UBE2U: variants seen among roughly 807,000 people sequenced by gnomAD.
UBE2U encodes ubiquitin conjugating enzyme E2 U.
Under a neutral mutation model 41.2 loss-of-function variants are expected in UBE2U, and 39 were observed. That is an observed-to-expected ratio of 0.95 (90% CI 0.73 to 1.24). The LOEUF (loss-of-function observed/expected upper bound fraction) is 1.24. Ranked by LOEUF, UBE2U falls within the 50% of genes most tolerant of loss-of-function variation. UBE2U has a pLI of 0.00. For synonymous variants in UBE2U, 107 were observed against 117.8 expected (o/e 0.91, Z 0.60); for missense variants, 336 against 363.1 (o/e 0.93, Z 0.61).
intron 7 of UBE2U, among the ~76,000 whole-genome samples, chr1:64,240,174 A>G (rs1644811582): frequency 6.6e-6 from 1 of 152,216 alleles, no homozygotes; most frequent in Non-Finnish European, 1.5e-5. Flanking sequence ...CTGAATTGAT[A>G]GTCCACAGAG....
chr1:64,218,763 A>G (rs1652205832), intron 5 of UBE2U, among the ~76,000 whole-genome samples: 1 of 152,260 alleles, frequency 6.6e-6, no homozygotes, highest in African/African-American at 2.4e-5. Context: ...CTTGCCACAG[A>G]TAAACCATAA....
At chr1:64,232,831 T>C (rs1557723647) in intron 7 of UBE2U, among the ~76,000 whole-genome samples, 182 bp downstream of exon 7, 1 of 152,076 alleles carries the variant, frequency 6.6e-6, no homozygotes, top group Non-Finnish European at 1.5e-5. Flanking sequence ...AAAAAAATAA[T>C]TTTAACTTTT....
chr1:64,209,954 A>C (rs1475683718), intron 3 of UBE2U, among the ~76,000 whole-genome samples: 2 of 152,200 alleles, frequency 1.3e-5, no homozygotes, highest in African/African-American at 4.8e-5. Flanking sequence ...CGTATGATAC[A>C]ATTGACAGTG....
chr1:64,222,070 C>T (rs530602882), intron 6 of UBE2U, among the ~76,000 whole-genome samples: 3 of 120,606 alleles, frequency 2.5e-5, no homozygotes, highest in East Asian at 2.3e-4. Flanking sequence ...CCAGCCTGGG[C>T]GACAGAGAGA....
chr1:64,264,491 T>C (rs1645223598), intron 9 of UBE2U, among the ~76,000 whole-genome samples: 1 of 152,232 alleles, frequency 6.6e-6, no homozygotes, highest in African/African-American at 2.4e-5. Flanking sequence ...TTATTTTGCA[T>C]TATAGTCTGC....
At chr1:64,239,564 T>C (rs1175471861) in intron 7 of UBE2U, among the ~76,000 whole-genome samples, 2 of 132,172 alleles carry the variant, frequency 1.5e-5, no homozygotes, top group Non-Finnish European at 3.1e-5. Flanking sequence ...TTCCCCTTCC[T>C]GTGTCCAAGT....
At chr1:64,229,963 A>G (rs1644521871) in intron 6 of UBE2U, among the ~76,000 whole-genome samples, 1 of 152,222 alleles carries the variant, frequency 6.6e-6, no homozygotes, top group South Asian at 2.1e-4. Context: ...CCTGAAATCT[A>G]TATCTAAAAT....
intron 5 of UBE2U, among the ~76,000 whole-genome samples, chr1:64,219,643 A>G (rs1477195709): frequency 5.4e-5 from 8 of 147,506 alleles, no homozygotes; most frequent in Non-Finnish European, 8.9e-5. Context: ...GCCAGGCTGG[A>G]GTGCAGTGGT....
intron 8 of UBE2U, chr1:64,244,155 C>T (rs749909344): frequency 6.2e-7 from 1 of 1,608,528 alleles, no homozygotes. Flanking sequence ...TTGGAAGCAG[C>T]ATAGGGGAAG....
chr1:64,214,047 C>T (rs1195448733), intron 4 of UBE2U, among the ~76,000 whole-genome samples: 7 of 152,132 alleles, frequency 4.6e-5, no homozygotes, highest in Non-Finnish European at 7.4e-5. Context: ...TTATGTGGCA[C>T]GTGAGTATGT....
intron 4 of UBE2U, among the ~76,000 whole-genome samples, chr1:64,213,464 G>A (rs1651781926): frequency 6.6e-5 from 10 of 152,054 alleles, no homozygotes; most frequent in Admixed American, 6.6e-4. Flanking sequence ...CTTTGGTTTT[G>A]GGGGAGCTTC....
intron 6 of UBE2U, among the ~76,000 whole-genome samples, chr1:64,231,432 G>A (rs1644563750): frequency 6.6e-6 from 1 of 152,218 alleles, no homozygotes; most frequent in Admixed American, 6.5e-5. Flanking sequence ...ACATTTCATT[G>A]GCAAATTCAT....
At chr1:64,249,187 G>A (rs1162110681) in intron 8 of UBE2U, among the ~76,000 whole-genome samples, 1 of 151,856 alleles carries the variant, frequency 6.6e-6, no homozygotes, top group Non-Finnish European at 1.5e-5. Flanking sequence ...AACCAGCCTG[G>A]CCAACATGGC....
chr1:64,246,446 TAA>T (rs1439024382), intron 8 of UBE2U, among the ~76,000 whole-genome samples: 2 of 152,246 alleles, frequency 1.3e-5, no homozygotes, highest in East Asian at 3.8e-4. Flanking sequence ...ATGTTTTTTA[TAA>T]GTTTACTTAA....
intron 8 of UBE2U, among the ~76,000 whole-genome samples, chr1:64,250,855 T>C (rs929548912): frequency 4.3e-5 from 6 of 140,104 alleles, no homozygotes; most frequent in Non-Finnish European, 6.0e-5. Context: ...TAGGTGGGAA[T>C]TGAACAATGA....
intron 9 of UBE2U, among the ~76,000 whole-genome samples, chr1:64,261,177 A>G (rs1463825312): frequency 6.6e-6 from 1 of 152,182 alleles, no homozygotes. Flanking sequence ...GTAACTTACC[A>G]TGGAAGTCAG....
chr1:64,232,655 G>C lies in UBE2U; in HGVS notation c.595+6G>C. ...AGAATACTACAGAACTCCATGTAAGGTGAACTATCCTTATCCTATGTCCTT... is the reference window on the plus strand; with the variant it reads ...AGAATACTACAGAACTCCATGTAAGCTGAACTATCCTTATCCTATGTCCTT... On this transcript the variant is annotated splice_donor_region_variant and intron_variant, in intron 7 of 9. Transcript: ENST00000371077. The C allele has an allele frequency of 6.2e-7, 1 of 1,605,992 alleles. No individual in the cohort carries two copies. The highest frequency in any genetic ancestry group is 8.5e-7 in the Non-Finnish European group (1 of 1,173,688).
intron 5 of UBE2U, among the ~76,000 whole-genome samples, chr1:64,217,128 A>C (rs918265898): frequency 5.9e-5 from 9 of 152,224 alleles, no homozygotes; most frequent in African/African-American, 2.2e-4. Context: ...GAAATAATTC[A>C]AGTTGCTTAA....
chr1:64,250,388 A>G (rs1309290468), intron 8 of UBE2U, among the ~76,000 whole-genome samples: 2 of 152,172 alleles, frequency 1.3e-5, no homozygotes, highest in Non-Finnish European at 2.9e-5. Flanking sequence ...TCACTGGAGA[A>G]TTTTCCCACA....
Sources: gnomAD v4.1 joint callset for allele counts (sites outside exome capture counted in the v4.1 genomes callset) on GRCh38, gnomAD v4.1.1 for gene constraint, MANE v1.5 for transcripts, NCBI Gene and HGNC (gene_info 2026-07-23, HGNC 2026-07-21) for gene names.